The following RIMS2 variants were observed in gnomAD, a reference collection of about 807,000 sequenced individuals.
The protein encoded by RIMS2 is regulating synaptic membrane exocytosis protein 2.
In RIMS2, 59 loss-of-function variants were observed where a neutral mutation model predicts 174.4. The ratio of observed to expected loss-of-function variants is 0.34; its 90% CI spans 0.27 to 0.42. The LOEUF (loss-of-function observed/expected upper bound fraction) is 0.42. Ranked by LOEUF, RIMS2 falls within the 10% of genes least tolerant of loss-of-function variation. RIMS2 has a pLI of 1.00. For missense variants in RIMS2, 1,620 were observed against 1,666.3 expected, an observed-to-expected ratio of 0.97 and a Z score of 0.48; for synonymous variants, 606 against 572.5, an observed-to-expected ratio of 1.06 and a Z score of -0.84.
chr8:103,581,931 C>T (rs1217058686), intron 1 of RIMS2, among the ~76,000 whole-genome samples: 2 of 152,186 alleles, frequency 1.3e-5, no homozygotes, highest in African/African-American at 4.8e-5. Context: ...TGGCATGCAA[C>T]ATACTGAGAC....
chr8:103,531,903 G>A (rs1265138475), intron 1 of RIMS2, among the ~76,000 whole-genome samples: 1 of 152,062 alleles, frequency 6.6e-6, no homozygotes, highest in Non-Finnish European at 1.5e-5. Flanking sequence ...AGCAGACTTT[G>A]TACCTGAGGC....
chr8:103,703,461 C>G (rs2097191092), intron 2 of RIMS2, among the ~76,000 whole-genome samples: 1 of 152,076 alleles, frequency 6.6e-6, no homozygotes, highest in South Asian at 2.1e-4. Context: ...TGGTCTCGAA[C>G]TCCTGACCTC....
chr8:103,803,820 C>T (rs975968670), intron 3 of RIMS2, among the ~76,000 whole-genome samples: 1 of 152,156 alleles, frequency 6.6e-6, no homozygotes, highest in African/African-American at 2.4e-5. Flanking sequence ...AGTAGTACAT[C>T]TCTGTCAGCA....
intron 3 of RIMS2, among the ~76,000 whole-genome samples, chr8:103,835,548 C>T (rs984320092): frequency 1.3e-5 from 2 of 152,162 alleles, no homozygotes; most frequent in African/African-American, 4.8e-5. Context: ...TTGAGGGCCT[C>T]AAATAGTTGT....
chr8:104,219,576 C>G (rs1035785900), intron 19 of RIMS2, among the ~76,000 whole-genome samples: 3 of 152,020 alleles, frequency 2.0e-5, no homozygotes, highest in Non-Finnish European at 4.4e-5. Context: ...GATAGTTTAT[C>G]CAAGTTATAT....
At chr8:104,072,042 A>G (rs2097205789) in intron 19 of RIMS2, among the ~76,000 whole-genome samples, 1 of 152,200 alleles carries the variant, frequency 6.6e-6, no homozygotes, top group Non-Finnish European at 1.5e-5. Flanking sequence ...ACCTCAAAAT[A>G]TAATCAAGTC....
intron 19 of RIMS2, among the ~76,000 whole-genome samples, chr8:104,232,855 T>C (rs2099238256): frequency 6.7e-6 from 1 of 148,586 alleles, no homozygotes; most frequent in Non-Finnish European, 1.5e-5. Flanking sequence ...TTTTAACTTC[T>C]ATAGTTGAAG....
At chr8:103,652,786 TG>T (rs2096475757) in intron 1 of RIMS2, 76 bp downstream of exon 3, 2 of 907,914 alleles carry the variant, frequency 2.2e-6, no homozygotes, top group Non-Finnish European at 3.1e-6. Flanking sequence ...GTTAAAATAC[TG>T]TCCTTGAAAT....
At chr8:103,544,856 C>T (rs1363577766) in intron 1 of RIMS2, among the ~76,000 whole-genome samples, 1 of 152,054 alleles carries the variant, frequency 6.6e-6, no homozygotes, top group Non-Finnish European at 1.5e-5. Flanking sequence ...ATCAAACCAT[C>T]AAGGGCATCA....
chr8:104,058,989 A>G (rs1225651061), intron 19 of RIMS2, among the ~76,000 whole-genome samples: 1 of 151,848 alleles, frequency 6.6e-6, no homozygotes, highest in Admixed American at 6.6e-5. Flanking sequence ...GTATAGTTTG[A>G]AGTCAGGTAA....
chr8:103,852,290 T>C (rs1321911344), intron 3 of RIMS2, among the ~76,000 whole-genome samples: 1 of 152,020 alleles, frequency 6.6e-6, no homozygotes, highest in Non-Finnish European at 1.5e-5. Flanking sequence ...TGGGGGCTAA[T>C]TTTAGCAATT....
rs78645377 is a variant in RIMS2, at chr8:104,196,331, T to A, written c.3335-48585T>A. ...GATCGATTCTGAAACAACCTTTGAA[T>A]AACCTTACGAAACAAAAGTACTCTT... On this transcript the variant is annotated intron_variant, in intron 19 of 23. Transcript: ENST00000504942. 8.2e-3 allele frequency among the ~76,000 whole-genome samples: 1,250 copies of A among 152,282 alleles called. 17 individuals carry two copies. Among genetic ancestry groups the A allele is most frequent in the African/African-American group, 0.029 (1,208 of 41,572 alleles).
intron 4 of RIMS2, among the ~76,000 whole-genome samples, chr8:103,902,298 C>T (rs1450344436): frequency 6.6e-6 from 1 of 152,130 alleles, no homozygotes; most frequent in East Asian, 1.9e-4. Flanking sequence ...GTATCTAAAA[C>T]AAGCTGACTA....
At chr8:103,616,950 A>G (rs75159425) in intron 1 of RIMS2, among the ~76,000 whole-genome samples, 9,940 of 152,228 alleles carry the variant, frequency 0.065, 401 homozygotes, top group South Asian at 0.087. Flanking sequence ...ATACTCCCCA[A>G]AGCAATTTAT....
At chr8:103,650,304 C>CT (rs542125884) in intron 1 of RIMS2, among the ~76,000 whole-genome samples, 1 of 152,078 alleles carries the variant, frequency 6.6e-6, no homozygotes, top group Non-Finnish European at 1.5e-5. Flanking sequence ...TTTCTGGAAG[C>CT]TTTTTTTCAG....
chr8:103,945,747 A>AT (rs2083571599), intron 14 of RIMS2, among the ~76,000 whole-genome samples: 2 of 151,466 alleles, frequency 1.3e-5, no homozygotes, highest in African/African-American at 4.9e-5. Flanking sequence ...CTCATTCACA[A>AT]TTAAAAAAAA....
At chr8:104,039,523 C>T (rs1370872186) in intron 19 of RIMS2, among the ~76,000 whole-genome samples, 1 of 151,604 alleles carries the variant, frequency 6.6e-6, no homozygotes, top group African/African-American at 2.4e-5. Context: ...AAAAAAGCTT[C>T]ATTTGTTTAC....
At chr8:103,509,496 A>G (rs1825417377) in intron 1 of RIMS2, among the ~76,000 whole-genome samples, 1 of 152,144 alleles carries the variant, frequency 6.6e-6, no homozygotes. Context: ...TTTTGGAAAT[A>G]TGAGTGTATT....
chr8:104,116,488 A>T lies in RIMS2; in HGVS notation c.3334+101873A>T, dbSNP rs1041977317. ...GGAGAAATTAAATTAAGCTTTATTG[A>T]TATTGCTAGAAAATGGAAAACAGTT... On this transcript the variant is annotated intron_variant, in intron 19 of 23. Coordinates refer to ENST00000504942, the Ensembl canonical transcript of RIMS2. 2.0e-5 allele frequency among the ~76,000 whole-genome samples: 3 copies of T among 152,268 alleles called. No homozygotes were observed. In the South Asian group the frequency reaches 6.2e-4, roughly 32 times the overall value.
Sources: allele counts gnomAD v4.1 joint callset (sites outside exome capture counted in the v4.1 genomes callset), GRCh38; gene constraint gnomAD v4.1.1; transcripts MANE v1.5; gene names NCBI Gene and HGNC (gene_info 2026-07-23, HGNC 2026-07-21).